ANKFY1: variants seen among roughly 807,000 people sequenced by gnomAD.
ANKFY1 encodes the protein ankyrin repeat and FYVE domain containing 1.
A neutral mutation model predicts 128.3 loss-of-function variants in ANKFY1; 47 were observed. That is an observed-to-expected ratio of 0.37 (90% CI 0.29 to 0.47). The LOEUF (loss-of-function observed/expected upper bound fraction) is 0.47, where lower values mean the gene tolerates loss of function less well. Among genes scored for constraint, ANKFY1 ranks in the 20% least tolerant of loss-of-function variants. ANKFY1 has a pLI of 1.00. For missense variants in ANKFY1, 1,222 were observed against 1,510.6 expected, an observed-to-expected ratio of 0.81 and a Z score of 3.17; for synonymous variants, 553 against 601.6, an observed-to-expected ratio of 0.92 and a Z score of 1.18.
At chr17:4,205,054 C>A (rs2059997310) in intron 7 of ANKFY1, among the ~76,000 whole-genome samples, 1 of 152,180 alleles carries the variant, frequency 6.6e-6, no homozygotes, top group Non-Finnish European at 1.5e-5. Context: ...CTACATTCCA[C>A]CAACTAGGAG....
chr17:4,200,253 G>A (rs2059904304), intron 7 of ANKFY1, among the ~76,000 whole-genome samples: 2 of 151,968 alleles, frequency 1.3e-5, no homozygotes, highest in South Asian at 4.2e-4. Context: ...TGGTAGAGGT[G>A]GGTTTTGCTA....
Position 4,172,802 on chromosome 17 carries a change from A to G in ANKFY1, c.3015-122T>C. ...CTAAAAGACACAAAACAAGTCACAA[A>G]AGTTTTTCTTTTTCTTATTTTGTAT... On this transcript the variant is annotated intron_variant, in intron 21 of 24. Coordinates refer to ENST00000341657, the MANE Select transcript of ANKFY1 (RefSeq NM_001330063.2). 5.2e-6 allele frequency: 7 copies of G among 1,346,054 alleles called. No individual in the cohort carries two copies. In the South Asian group the frequency reaches 1.0e-4, roughly 20 times the overall value. The allele number at this position is 1,346,054 out of a possible 1,614,324, so 83.4% of individuals were successfully genotyped here. A position where few individuals can be genotyped will look rare whatever the true frequency, so the allele number is the denominator to read the frequency against.
intron 3 of ANKFY1, among the ~76,000 whole-genome samples, chr17:4,233,253 A>C (rs894867772): frequency 6.6e-6 from 1 of 152,198 alleles, no homozygotes; most frequent in South Asian, 2.1e-4. Flanking sequence ...CATTCTGTTC[A>C]TATAATCAAG....
At chr17:4,194,902 G>C (rs2059788134) in intron 10 of ANKFY1, 76 bp downstream of exon 10, 1 of 1,388,312 alleles carries the variant, frequency 7.2e-7, no homozygotes, top group African/African-American at 1.4e-5. Flanking sequence ...TCTAAATTTG[G>C]GGTGAAGGCA....
rs759860546 is a variant in ANKFY1, at chr17:4,183,796, C to T, written c.1798+16G>A. 10 of 1,600,654 alleles carry T rather than the reference C, an allele frequency of 6.2e-6. No individual in the cohort carries two copies. The highest frequency in any genetic ancestry group is 8.6e-6 in the Non-Finnish European group (10 of 1,167,960). The stretch of plus-strand genomic sequence containing the variant: ...CTGTCTGTCTGCAGACATCAGCGGC[C>T]CCGGCACAGCCTTACCAGTCCATAA... On this transcript the variant is annotated intron_variant, in intron 13 of 24. Coordinates refer to ENST00000341657, the MANE Select transcript of ANKFY1 (RefSeq NM_001330063.2).
intron 2 of ANKFY1, among the ~76,000 whole-genome samples, chr17:4,239,351 GGAA>G (rs369144879): frequency 1.3e-5 from 2 of 152,110 alleles, no homozygotes; most frequent in African/African-American, 2.4e-5. Flanking sequence ...ACTTGTTCAT[GGAA>G]GAAGAGGAAA....
intron 7 of ANKFY1, among the ~76,000 whole-genome samples, chr17:4,201,714 A>G (rs1650178696): frequency 6.6e-6 from 1 of 152,166 alleles, no homozygotes; most frequent in Admixed American, 6.5e-5. Context: ...TAAGGGGTGC[A>G]GAAGGTTGCA....
rs779175680 is a variant in ANKFY1, at chr17:4,179,035, A to T, written c.2420T>A (p.Ile807Asn). 6.2e-7 allele frequency: 1 copy of T among 1,614,140 alleles called. No individual in the cohort carries two copies. The highest frequency in any genetic ancestry group is 8.5e-7 in the Non-Finnish European group (1 of 1,180,034). The part of the protein sequence containing the change: ...NAQDAEGRTP[I>N]HVAISSQHGV... Reference sequence around the variant, plus strand: ...GTGTTGGCTGCTGATGGCCACGTGGATGGGGGTTCTTCCTTCTGCATCCTA... The same window carrying T: ...GTGTTGGCTGCTGATGGCCACGTGGTTGGGGGTTCTTCCTTCTGCATCCTA... Residue 807 changes from isoleucine to asparagine, a missense_variant, in exon 18 of 25, where the codon ATC becomes AAC. Transcript: ENST00000341657.
intron 24 of ANKFY1, 155 bp from the exon 25 acceptor site, chr17:4,168,066 T>C (rs1024815421): frequency 6.7e-6 from 5 of 750,670 alleles, no homozygotes; most frequent in Non-Finnish European, 1.0e-5. Context: ...CCACAATTCA[T>C]GTAGAATTTT....
chr17:4,195,113 T>C lies in ANKFY1; in HGVS notation c.1237A>G (p.Thr413Ala). ...TTCACAGACTGGTCAGAAGACACTGTGATATGCTGCACTGCCAGCCACAGA... is the reference window on the plus strand; with the variant it reads ...TTCACAGACTGGTCAGAAGACACTGCGATATGCTGCACTGCCAGCCACAGA... ...TALWLAVQHI[T>A]VSSDQSVNPF... Residue 413 changes from threonine (T) to alanine (A), a missense_variant, in exon 10 of 25, where the codon ACA (threonine) becomes GCA (alanine). Coordinates refer to ENST00000341657, the MANE Select transcript of ANKFY1 (RefSeq NM_001330063.2). The C allele has an allele frequency of 6.2e-7, 1 of 1,614,176 alleles. No homozygotes were observed.
chr17:4,179,242 G>A (rs377271126), intron 17 of ANKFY1, 185 bp from the exon 18 acceptor site: 16 of 667,034 alleles, frequency 2.4e-5, no homozygotes, highest in African/African-American at 1.4e-4. Context: ...GTTACACCAC[G>A]TTCCAGTGAC....
At chr17:4,243,712 G>A (rs1967378847) in intron 1 of ANKFY1, among the ~76,000 whole-genome samples, 1 of 152,166 alleles carries the variant, frequency 6.6e-6, no homozygotes, top group Admixed American at 6.5e-5. Flanking sequence ...CCTCCTTCAG[G>A]TGAGGATCAG....
intron 4 of ANKFY1, among the ~76,000 whole-genome samples, chr17:4,214,674 C>T (rs970030857): frequency 3.9e-5 from 6 of 151,906 alleles, no homozygotes; most frequent in Admixed American, 1.3e-4. Flanking sequence ...TACAGGTGCC[C>T]GCCACCACGC....
chr17:4,172,432 A>T, intron 22 of ANKFY1, 124 bp downstream of exon 22: 1 of 1,333,894 alleles, frequency 7.5e-7, no homozygotes, highest in South Asian at 1.4e-5. Context: ...TCACACCCGG[A>T]GGGCCCAACA....
chr17:4,181,319 AAGGCACCCACC>A lies in ANKFY1; in HGVS notation c.2164_2174del (p.Gly722SerfsTer9). On this transcript the variant is annotated frameshift_variant, in exon 16 of 25. Transcript: ENST00000341657. LOFTEE classifies it high-confidence loss of function. This position sits in a 1 kb window ranked among gnomAD's most constrained non-coding sequence, Gnocchi z 4.9. The stretch of plus-strand genomic sequence containing the variant: ...CAATGGCTCTGTGCAGGAGCGTCTG[AAGGCACCCACC>A]AGGTCCCGGACCCCAGCATGTGGCA... The A allele has an allele frequency of 6.2e-7, 1 of 1,614,210 alleles. No homozygotes were observed. Among genetic ancestry groups the A allele is most frequent in the Non-Finnish European group, 8.5e-7 (1 of 1,180,036 alleles).
chr17:4,242,126 A>T, intron 2 of ANKFY1, 130 bp downstream of exon 2: 1 of 965,582 alleles, frequency 1.0e-6, no homozygotes, highest in Non-Finnish European at 1.4e-6. Context: ...AGGAGCTTCT[A>T]TTCTAGGGAA....
chr17:4,170,895 C>T lies in ANKFY1; in HGVS notation c.3140-34G>A, dbSNP rs769719497. ...CAAAAGCACGCGCAGGGCTACTTCC[C>T]ACCCGGCCCAGCCCGGCAGCCACAG... On this transcript the variant is annotated intron_variant, in intron 22 of 24. Transcript: ENST00000341657. 9 of 1,613,274 alleles carry T rather than the reference C, an allele frequency of 5.6e-6. No individual in the cohort carries two copies. The East Asian group carries it at 2.0e-4, about 36-fold the overall frequency.
At chr17:4,194,115 T>A (rs2059771924) in intron 10 of ANKFY1, among the ~76,000 whole-genome samples, 1 of 138,396 alleles carries the variant, frequency 7.2e-6, no homozygotes. Flanking sequence ...TTTTTTTTTT[T>A]TTTTTTTTTT....
At chr17:4,241,817 C>T (rs1179501270) in intron 2 of ANKFY1, among the ~76,000 whole-genome samples, 4 of 151,610 alleles carry the variant, frequency 2.6e-5, no homozygotes, top group South Asian at 4.2e-4. Flanking sequence ...GGGCCCGGCA[C>T]GGTGGCTCAC....
Sources: gnomAD v4.1 joint callset for allele counts (sites outside exome capture counted in the v4.1 genomes callset) on GRCh38, gnomAD v4.1.1 for gene constraint, Gnocchi (gnomAD v3.1) non-coding constraint, MANE v1.5 for transcripts, NCBI Gene and HGNC (gene_info 2026-07-23, HGNC 2026-07-21) for gene names.